Variants in ESRRG observed in about 807,000 individuals in gnomAD.
ESRRG encodes estrogen-related receptor gamma.
Under a neutral mutation model 44.0 loss-of-function variants are expected in ESRRG, and 13 were observed. The observed-to-expected ratio is 0.30, with a 90% CI of 0.19 to 0.47. The LOEUF is 0.47. ESRRG is among the 20% of genes least tolerant of loss of function. The probability of loss-of-function intolerance (pLI) is 1.00; values close to 1 mark genes in which losing one functional copy is unlikely to be tolerated. For synonymous variants in ESRRG, 215 were observed against 214.6 expected (o/e 1.00, Z -0.02); for missense variants, 395 against 580.6 (o/e 0.68, Z 3.29).
intron 2 of ESRRG, among the ~76,000 whole-genome samples, chr1:216,657,660 G>T (rs2070977885): frequency 6.6e-6 from 1 of 152,040 alleles, no homozygotes; most frequent in South Asian, 2.1e-4. Flanking sequence ...TCTACTAATG[G>T]GACCCCAGAC....
intron 1 of ESRRG, among the ~76,000 whole-genome samples, chr1:216,710,411 G>C (rs955849574): frequency 6.6e-6 from 1 of 152,104 alleles, no homozygotes; most frequent in Non-Finnish European, 1.5e-5. Flanking sequence ...TGCAGATAAG[G>C]CTCCAATGTC....
At chr1:216,753,849 T>C (rs529282298) in intron 2 of ESRRG, among the ~76,000 whole-genome samples, 4 of 152,096 alleles carry the variant, frequency 2.6e-5, no homozygotes, top group African/African-American at 9.6e-5. Context: ...TGGGGAGTCG[T>C]AAGAAGGACC....
At chr1:217,119,139 T>C (rs183109784) in intron 1 of ESRRG, among the ~76,000 whole-genome samples, 1 of 152,284 alleles carries the variant, frequency 6.6e-6, no homozygotes, top group Non-Finnish European at 1.5e-5. Flanking sequence ...AAAAGAATTC[T>C]TATGCCAATT....
intron 2 of ESRRG, among the ~76,000 whole-genome samples, chr1:216,733,552 A>G (rs143313704): frequency 1.6e-3 from 240 of 152,302 alleles, no homozygotes; most frequent in Non-Finnish European, 3.0e-3. Flanking sequence ...TTTTTACCAT[A>G]CTTAATTCAT....
intron 1 of ESRRG, among the ~76,000 whole-genome samples, chr1:216,975,783 G>A (rs866441593): frequency 7.8e-4 from 118 of 152,218 alleles, no homozygotes; most frequent in African/African-American, 2.7e-3. Flanking sequence ...CAAATAACCC[G>A]GACATCTCTT....
At chr1:216,882,095 C>T (rs1207590898) in intron 2 of ESRRG, among the ~76,000 whole-genome samples, 2 of 151,984 alleles carry the variant, frequency 1.3e-5, no homozygotes, top group East Asian at 1.9e-4. Context: ...CTCACAACCA[C>T]GTTATGGGCA....
chr1:216,885,029 C>T (rs1559982575), intron 2 of ESRRG, among the ~76,000 whole-genome samples: 1 of 152,040 alleles, frequency 6.6e-6, no homozygotes, highest in African/African-American at 2.4e-5. Flanking sequence ...TGTACTGGGT[C>T]CCTGAAAGGA....
chr1:217,055,791 T>C (rs1466734931), intron 1 of ESRRG, among the ~76,000 whole-genome samples: 4 of 152,192 alleles, frequency 2.6e-5, no homozygotes, highest in African/African-American at 9.7e-5. Flanking sequence ...CCAACTATAC[T>C]AAAATTCTTT....
intron 2 of ESRRG, among the ~76,000 whole-genome samples, chr1:216,896,315 T>A (rs2058410292): frequency 6.6e-6 from 1 of 152,162 alleles, no homozygotes; most frequent in Non-Finnish European, 1.5e-5. Context: ...TAGAATAAAG[T>A]ATCTTGAGAA....
chr1:216,970,596 CTA>C (rs1340858931), intron 1 of ESRRG, among the ~76,000 whole-genome samples: 1 of 152,156 alleles, frequency 6.6e-6, no homozygotes, highest in African/African-American at 2.4e-5. Context: ...TAATTATTAT[CTA>C]TGAGTGTTAA....
At chr1:216,563,013 A>G (rs887048179) in intron 5 of ESRRG, among the ~76,000 whole-genome samples, 1 of 152,188 alleles carries the variant, frequency 6.6e-6, no homozygotes, top group African/African-American at 2.4e-5. Context: ...ATATCCACAC[A>G]ATCAAATTCT....
intron 2 of ESRRG, among the ~76,000 whole-genome samples, chr1:216,844,283 G>A (rs1055289909): frequency 1.3e-5 from 2 of 151,934 alleles, no homozygotes. Flanking sequence ...TAAATAGGTG[G>A]GTATTGTCAG....
chr1:217,067,197 C>A (rs2089867851), intron 1 of ESRRG, among the ~76,000 whole-genome samples: 1 of 152,210 alleles, frequency 6.6e-6, no homozygotes, highest in South Asian at 2.1e-4. Context: ...TTATCTTTTA[C>A]CTTTACTGTG....
chr1:216,678,063 C>T (rs968548324), intron 1 of ESRRG, among the ~76,000 whole-genome samples: 4 of 152,184 alleles, frequency 2.6e-5, no homozygotes, highest in African/African-American at 9.7e-5. Flanking sequence ...CTTCCATAAG[C>T]ATAACTGTGT....
At chr1:216,959,243 G>A (rs1039840438) in intron 1 of ESRRG, among the ~76,000 whole-genome samples, 2 of 152,024 alleles carry the variant, frequency 1.3e-5, no homozygotes, top group Non-Finnish European at 2.9e-5. Flanking sequence ...TGCTCCAGAA[G>A]TGTTGAGAGG....
chr1:217,101,075 A>G (rs1215032231), intron 1 of ESRRG, among the ~76,000 whole-genome samples: 1 of 152,234 alleles, frequency 6.6e-6, no homozygotes, highest in African/African-American at 2.4e-5. Flanking sequence ...AAAAGTGTTG[A>G]CGGTTAGCCT....
chr1:216,507,207 G>A, intron 6 of ESRRG, 24 bp from the exon 7 acceptor site: 1 of 1,514,990 alleles, frequency 6.6e-7, no homozygotes, highest in South Asian at 1.2e-5. Flanking sequence ...CAAAAGATAT[G>A]AGTAATTATA....
chr1:216,716,179 G>A (rs550235319), intron 1 of ESRRG, among the ~76,000 whole-genome samples: 1 of 152,028 alleles, frequency 6.6e-6, no homozygotes, highest in South Asian at 2.1e-4. Context: ...GAGCCACTGA[G>A]GTTCACCACT....
chr1:216,821,418 G>T (rs1218514669), intron 2 of ESRRG, among the ~76,000 whole-genome samples: 1 of 152,034 alleles, frequency 6.6e-6, no homozygotes, highest in African/African-American at 2.4e-5. Context: ...AAGCACGGTG[G>T]CTCCTGTCTG....
Sources: allele counts gnomAD v4.1 joint callset (sites outside exome capture counted in the v4.1 genomes callset), GRCh38; gene constraint gnomAD v4.1.1; transcripts MANE v1.5; gene names NCBI Gene and HGNC (gene_info 2026-07-23, HGNC 2026-07-21).